The following SPEF2 variants were observed in gnomAD, a reference collection of about 807,000 sequenced individuals.
SPEF2 encodes sperm flagella and cilia-associated protein 2.
SPEF2 carries 187 observed loss-of-function variants against 224.6 expected under a neutral mutation model. That is an observed-to-expected ratio of 0.83 (90% CI 0.74 to 0.94). The LOEUF is 0.94. Among genes scored for constraint, SPEF2 ranks in the 40% least tolerant of loss-of-function variants. The pLI is 0.00. For missense variants in SPEF2, 2,170 were observed against 2,135.6 expected, an observed-to-expected ratio of 1.02 and a Z score of -0.32; for synonymous variants, 715 against 707.3, an observed-to-expected ratio of 1.01 and a Z score of -0.17.
At chr5:35,685,984 G>T (rs1753558347) in intron 10 of SPEF2, among the ~76,000 whole-genome samples, 1 of 151,890 alleles carries the variant, frequency 6.6e-6, no homozygotes. Context: ...TCTCTCTTTG[G>T]ATTTCACAAG....
intron 30 of SPEF2, among the ~76,000 whole-genome samples, chr5:35,780,458 C>A (rs565097228): frequency 1.3e-4 from 20 of 152,236 alleles, no homozygotes; most frequent in African/African-American, 4.3e-4. Context: ...GGTATAAAAG[C>A]CCACACTTCA....
At chr5:35,806,322 G>C (rs1359206516) in intron 34 of SPEF2, among the ~76,000 whole-genome samples, 1 of 152,154 alleles carries the variant, frequency 6.6e-6, no homozygotes, top group African/African-American at 2.4e-5. Context: ...TGTCAAGCTA[G>C]AGCAATTGAC....
At chr5:35,643,879 C>T (rs899421369) in intron 3 of SPEF2, among the ~76,000 whole-genome samples, 5 of 152,124 alleles carry the variant, frequency 3.3e-5, no homozygotes, top group East Asian at 1.9e-4. Context: ...TTAGGTAACT[C>T]GCCCAATTTT....
chr5:35,723,649 C>G (rs180748323), intron 20 of SPEF2, among the ~76,000 whole-genome samples: 1 of 152,190 alleles, frequency 6.6e-6, no homozygotes, highest in Admixed American at 6.5e-5. Context: ...AAATCCAAAG[C>G]CCTGAAATGA....
intron 11 of SPEF2, 77 bp downstream of exon 11, chr5:35,691,333 A>G: frequency 3.4e-6 from 4 of 1,167,600 alleles, no homozygotes; most frequent in Non-Finnish European, 4.9e-6. Flanking sequence ...CTATGTGTAT[A>G]AAAAACATAC....
Position 35,806,769 on chromosome 5 carries a change from A to T in SPEF2, c.5073A>T (p.Arg1691Ser). 6.2e-7 allele frequency: 1 copy of T among 1,614,054 alleles called. No individual in the cohort carries two copies. Among genetic ancestry groups the T allele is most frequent in the Non-Finnish European group, 8.5e-7 (1 of 1,179,980 alleles). Residue 1691 changes from arginine to serine, a missense_variant, in exon 35 of 37, where the codon AGA (arginine) becomes AGT (serine). Transcript: ENST00000356031. ...CTGAACCTGAGGAAAATGCTGCAAG[A>T]GAAGAAAGGAAATTAAAAGACGACA... is the stretch of plus-strand genomic sequence containing the variant. ...EFPEPEENAA[R>S]EERKLKDDTE...
chr5:35,813,089 T>C (rs1462943857), intron 36 of SPEF2, among the ~76,000 whole-genome samples: 1 of 152,228 alleles, frequency 6.6e-6, no homozygotes, highest in Non-Finnish European at 1.5e-5. Flanking sequence ...TGCTATGGAG[T>C]GTCAGATAAT....
intron 16 of SPEF2, among the ~76,000 whole-genome samples, chr5:35,702,854 G>T (rs1738927512): frequency 6.6e-6 from 1 of 152,058 alleles, no homozygotes; most frequent in Non-Finnish European, 1.5e-5. Context: ...TTTAAGAATT[G>T]TACGCTAAAT....
intron 21 of SPEF2, among the ~76,000 whole-genome samples, chr5:35,735,141 G>A (rs1196575653): frequency 6.6e-6 from 1 of 152,130 alleles, no homozygotes; most frequent in East Asian, 1.9e-4. Flanking sequence ...CCTAAAGCCA[G>A]CAACTCTGCC....
intron 5 of SPEF2, among the ~76,000 whole-genome samples, chr5:35,647,694 T>G (rs2149418546): frequency 6.6e-6 from 1 of 152,228 alleles, no homozygotes; most frequent in East Asian, 1.9e-4. Flanking sequence ...CAGGGGCCAG[T>G]CAAGGTACAC....
At position 35,644,544 on chromosome 5, in the gene SPEF2, T is replaced by G. The variant is rs753235797; in HGVS notation, c.585+19T>G. 32 of 1,565,740 alleles carry G rather than the reference T, an allele frequency of 2.0e-5. No individual in the cohort carries two copies. Among genetic ancestry groups the G allele is most frequent in the Admixed American group, 5.8e-5 (3 of 51,850 alleles). ...TGAAAAGGTTCTATAGAACTATTTT[T>G]TCAGAAATTCATTAGTGCATAGTAT... On this transcript the variant is annotated intron_variant, in intron 4 of 36. Coordinates refer to ENST00000356031, the MANE Select transcript of SPEF2 (RefSeq NM_024867.4).
At chr5:35,641,819 T>A in intron 3 of SPEF2, 136 bp downstream of exon 3, 1 of 875,138 alleles carries the variant, frequency 1.1e-6, no homozygotes, top group Non-Finnish European at 1.7e-6. Context: ...CATACTTGGG[T>A]TTTATTTTAT....
At chr5:35,789,723 A>C (rs1392831106) in intron 30 of SPEF2, 1 of 674,750 alleles carries the variant, frequency 1.5e-6, no homozygotes, top group Non-Finnish European at 2.7e-6. Context: ...ATATGTGCTG[A>C]CTTTGAACCT....
At chr5:35,622,705 ATTTCCTGGCTAGCCTCGCAGCGTT>A (rs757729576) in intron 1 of SPEF2, among the ~76,000 whole-genome samples, 36 of 152,194 alleles carry the variant, frequency 2.4e-4, no homozygotes, top group Admixed American at 2.0e-4. Flanking sequence ...AGATTTTGAT[ATTTCCTGGCTAGCCTCGCAGCGTT>A]TTTCTTGATT....
intron 2 of SPEF2, among the ~76,000 whole-genome samples, chr5:35,630,695 C>CAAA (rs1367926106): frequency 6.7e-6 from 1 of 149,288 alleles, no homozygotes; most frequent in African/African-American, 2.5e-5. Context: ...GACTCCGTCT[C>CAAA]AAAAAAAGAA....
intron 20 of SPEF2, among the ~76,000 whole-genome samples, chr5:35,724,705 T>C (rs1744335522): frequency 6.6e-6 from 1 of 152,050 alleles, no homozygotes; most frequent in South Asian, 2.1e-4. Context: ...TGAAATGGAG[T>C]AATAGGAGTA....
intron 29 of SPEF2, among the ~76,000 whole-genome samples, chr5:35,778,850 A>G (rs542424139): frequency 2.6e-5 from 4 of 152,326 alleles, no homozygotes; most frequent in Non-Finnish European, 5.9e-5. Flanking sequence ...ACTATATTTA[A>G]TAGGTTCTCT....
At position 35,739,800 on chromosome 5, in the gene SPEF2, A is replaced by G. The variant is rs1747279463; in HGVS notation, c.3064-119A>G. 3 of 1,097,854 alleles carry G rather than the reference A, an allele frequency of 2.7e-6. No homozygotes were observed. In the Admixed American group the frequency reaches 7.6e-5, roughly 28 times the overall value. The allele number at this position is 1,097,854 out of a possible 1,614,324, so 68.0% of individuals were successfully genotyped here. On this transcript the variant is annotated intron_variant, in intron 21 of 36. Coordinates refer to ENST00000356031, the MANE Select transcript of SPEF2 (RefSeq NM_024867.4). ...AGAGGAGCAAGAAGTCTCACAGGGA[A>G]TGCTTTATGTAGTTGCAGTTGCATC...
In SPEF2 at chr5:35,770,028, TGC is replaced by T. The variant is rs764062773; in HGVS notation, c.3802-1579_3802-1578del. On this transcript the variant is annotated intron_variant, in intron 26 of 36. Coordinates refer to ENST00000356031, the MANE Select transcript of SPEF2 (RefSeq NM_024867.4). ...GTGTGTGTGTGTGTGTGTGTGCATG[TGC>T]GTGTGTGTGTGTGTGTGTGTGTTGT... 1.7e-3 allele frequency among the ~76,000 whole-genome samples: 223 copies of T among 131,868 alleles called. 1 individual carries two copies. Among genetic ancestry groups the T allele is most frequent in the South Asian group, 0.015 (63 of 4,180 alleles). The allele number at this position is 131,868 out of a possible 152,430, so 86.5% of individuals were successfully genotyped here.
Sources: gnomAD v4.1 joint callset for allele counts (sites outside exome capture counted in the v4.1 genomes callset) on GRCh38, gnomAD v4.1.1 for gene constraint, MANE v1.5 for transcripts, NCBI Gene and HGNC (gene_info 2026-07-23, HGNC 2026-07-21) for gene names.